NAALADL2: variants seen among roughly 807,000 people sequenced by gnomAD.
NAALADL2 encodes the protein inactive N-acetylated-alpha-linked acidic dipeptidase-like protein 2.
NAALADL2 carries 76 observed loss-of-function variants against 87.2 expected under a neutral mutation model. The observed-to-expected ratio is 0.87, with a 90% confidence interval of 0.72 to 1.05. NAALADL2 has a LOEUF of 1.05. NAALADL2 is among the 50% of genes least tolerant of loss of function. NAALADL2 has a pLI of 0.00. For synonymous variants in NAALADL2, 354 were observed against 331.0 expected, an observed-to-expected ratio of 1.07 and a Z score of -0.75; for missense variants, 1,089 against 945.8, an observed-to-expected ratio of 1.15 and a Z score of -1.99.
rs1439879058 is a variant in NAALADL2, at chr3:175,508,913, C to T, written c.1653+37155C>T. 6.6e-5 allele frequency among the ~76,000 whole-genome samples: 10 copies of T among 152,026 alleles called. No homozygotes were observed. The East Asian group carries it at 1.2e-3, about 18-fold the overall frequency. On this transcript the variant is annotated intron_variant, in intron 9 of 13. Transcript: ENST00000454872. ...GGTAGATCACCCGAGGTCAGGAGTT[C>T]AAGACGAGCCTGGTCAACATGGTGA...
At chr3:175,169,071 G>C (rs1428331495) in intron 2 of NAALADL2, among the ~76,000 whole-genome samples, 4 of 151,692 alleles carry the variant, frequency 2.6e-5, no homozygotes, top group African/African-American at 9.7e-5. Flanking sequence ...ATGTGTAGGA[G>C]TCAAGCTGAC....
At chr3:175,251,264 A>G (rs1749020587) in intron 3 of NAALADL2, among the ~76,000 whole-genome samples, 1 of 152,156 alleles carries the variant, frequency 6.6e-6, no homozygotes, top group East Asian at 1.9e-4. Flanking sequence ...TTTCCTTTTC[A>G]ATTGTTGCTG....
chr3:175,326,872 C>G (rs917680430), intron 5 of NAALADL2, among the ~76,000 whole-genome samples: 9 of 152,158 alleles, frequency 5.9e-5, no homozygotes, highest in African/African-American at 2.2e-4. Flanking sequence ...AACATGGTTA[C>G]TTTGGGGATC....
chr3:175,791,840 C>G (rs181227657), intron 13 of NAALADL2, among the ~76,000 whole-genome samples: 1 of 150,076 alleles, frequency 6.7e-6, no homozygotes, highest in Non-Finnish European at 1.5e-5. Context: ...GTGCTGCATA[C>G]CTGAGGACCC....
chr3:174,594,159 T>C (rs1481504197), intron 2 of NAALADL2, among the ~76,000 whole-genome samples: 4 of 152,120 alleles, frequency 2.6e-5, no homozygotes, highest in Admixed American at 6.6e-5. Context: ...CTTTCATGAA[T>C]AATACTTGGG....
chr3:175,223,014 A>G (rs954982334), intron 2 of NAALADL2, among the ~76,000 whole-genome samples: 1 of 152,070 alleles, frequency 6.6e-6, no homozygotes. Flanking sequence ...GGTACGCAAC[A>G]TAATGATTTC....
chr3:174,810,500 G>A (rs1481282339), intron 3 of NAALADL2, among the ~76,000 whole-genome samples: 3 of 151,384 alleles, frequency 2.0e-5, no homozygotes, highest in Admixed American at 6.6e-5. Context: ...CTTTGAACTT[G>A]AGAACAACCA....
chr3:175,737,168 AG>A (rs1429272955), intron 11 of NAALADL2, 137 bp from the exon 12 acceptor site: 1 of 557,870 alleles, frequency 1.8e-6, no homozygotes, highest in Non-Finnish European at 3.1e-6. Context: ...AAAGAAAAAG[AG>A]ATTTTATAAA....
chr3:175,368,046 T>C (rs1765883480), intron 5 of NAALADL2, among the ~76,000 whole-genome samples: 2 of 152,146 alleles, frequency 1.3e-5, no homozygotes, highest in South Asian at 2.1e-4. Flanking sequence ...ACCTAATTTA[T>C]TGAGAGTTTT....
intron 4 of NAALADL2, among the ~76,000 whole-genome samples, chr3:175,283,893 G>C (rs376301163): frequency 6.6e-6 from 1 of 152,024 alleles, no homozygotes; most frequent in Non-Finnish European, 1.5e-5. Flanking sequence ...CTCAAGGAAG[G>C]CCTCAGATTC....
Position 175,077,939 on chromosome 3 carries a change from T to C in NAALADL2, c.44-18851T>C, listed in dbSNP as rs1215709766. 2.0e-5 allele frequency among the ~76,000 whole-genome samples: 3 copies of C among 152,248 alleles called. No homozygotes were observed. In the East Asian group the frequency reaches 5.8e-4, roughly 29 times the overall value. ...TATATAGTTTTACCTCTGTACACCA[T>C]TTTTGCTCTAGCCTATATGGACTAC... On this transcript the variant is annotated intron_variant, in intron 1 of 13. Transcript: ENST00000454872.
At chr3:174,922,333 CTA>C (rs138969265) in intron 1 of NAALADL2, among the ~76,000 whole-genome samples, 3,249 of 149,532 alleles carry the variant, frequency 0.022, 117 homozygotes, top group African/African-American at 0.077. Flanking sequence ...AAAAAATTGT[CTA>C]TGATTTTTTT....
intron 11 of NAALADL2, among the ~76,000 whole-genome samples, chr3:175,736,948 T>A (rs1466764174): frequency 6.6e-6 from 1 of 152,204 alleles, no homozygotes; most frequent in Non-Finnish European, 1.5e-5. Flanking sequence ...TTTTCAGGTG[T>A]TCCTCTTTAC....
At chr3:174,442,623 T>G (rs1714748025) in intron 1 of NAALADL2, among the ~76,000 whole-genome samples, 1 of 152,176 alleles carries the variant, frequency 6.6e-6, no homozygotes, top group African/African-American at 2.4e-5. Flanking sequence ...CAATTGTTTG[T>G]TGATTGCTTA....
At chr3:175,026,198 AT>A (rs1479856225) in intron 1 of NAALADL2, among the ~76,000 whole-genome samples, 2 of 152,144 alleles carry the variant, frequency 1.3e-5, no homozygotes, top group African/African-American at 4.8e-5. Context: ...TATGGATTTA[AT>A]AGGTTTATAA....
intron 2 of NAALADL2, among the ~76,000 whole-genome samples, chr3:175,165,026 T>C (rs972051164): frequency 6.6e-6 from 1 of 152,166 alleles, no homozygotes; most frequent in Non-Finnish European, 1.5e-5. Flanking sequence ...CTCTGGGCCA[T>C]GCAGTCCTGT....
intron 13 of NAALADL2, among the ~76,000 whole-genome samples, chr3:175,774,103 C>G (rs1749888764): frequency 6.6e-6 from 1 of 152,062 alleles, no homozygotes; most frequent in African/African-American, 2.4e-5. Flanking sequence ...AATTAAAGCT[C>G]TGTCAGTGTT....
chr3:174,804,133 CTT>C (rs1719180863), intron 3 of NAALADL2, among the ~76,000 whole-genome samples: 1 of 152,036 alleles, frequency 6.6e-6, no homozygotes, highest in African/African-American at 2.4e-5. Flanking sequence ...TTTGTGTCCT[CTT>C]TTATTTTGTT....
intron 9 of NAALADL2, among the ~76,000 whole-genome samples, chr3:175,573,599 C>G (rs1404916927): frequency 6.6e-6 from 1 of 152,174 alleles, no homozygotes; most frequent in Non-Finnish European, 1.5e-5. Context: ...ACAAATACCT[C>G]CAGAGGTGCT....
Sources: gnomAD v4.1 joint callset for allele counts (sites outside exome capture counted in the v4.1 genomes callset) on GRCh38, gnomAD v4.1.1 for gene constraint, MANE v1.5 for transcripts, NCBI Gene and HGNC (gene_info 2026-07-23, HGNC 2026-07-21) for gene names.